The following GRIK3 variants were observed in gnomAD, a reference collection of about 807,000 sequenced individuals.
The protein encoded by GRIK3 is glutamate ionotropic receptor kainate type subunit 3.
GRIK3 carries 29 observed loss-of-function variants against 102.5 expected under a neutral mutation model. The observed-to-expected ratio is 0.28, with a 90% CI of 0.21 to 0.39. The LOEUF is 0.39. Among genes scored for constraint, GRIK3 ranks in the 10% least tolerant of loss-of-function variants. The pLI is 1.00. For missense variants in GRIK3, 908 were observed against 1,252.4 expected, an observed-to-expected ratio of 0.73 and a Z score of 4.15; for synonymous variants, 511 against 504.9, an observed-to-expected ratio of 1.01 and a Z score of -0.16.
intron 1 of GRIK3, among the ~76,000 whole-genome samples, chr1:37,007,647 C>T (rs149670495): frequency 2.0e-5 from 3 of 152,190 alleles, no homozygotes; most frequent in South Asian, 2.1e-4. Context: ...GCCTACTATG[C>T]GTCAGGCCTT....
At chr1:37,030,557 C>CG (rs1333320753) in intron 1 of GRIK3, among the ~76,000 whole-genome samples, 8 of 138,902 alleles carry the variant, frequency 5.8e-5, no homozygotes, top group African/African-American at 2.3e-4. Context: ...CTCCCCCCCC[C>CG]CAACACCTGC....
chr1:36,832,903 C>T (rs1253033508), intron 10 of GRIK3, among the ~76,000 whole-genome samples: 1 of 152,192 alleles, frequency 6.6e-6, no homozygotes, highest in Non-Finnish European at 1.5e-5. Context: ...AGGCAGTGGG[C>T]CCCCCTGCCC....
chr1:37,018,130 T>C (rs575568789), intron 1 of GRIK3, among the ~76,000 whole-genome samples: 1 of 152,322 alleles, frequency 6.6e-6, no homozygotes, highest in Admixed American at 6.5e-5. Flanking sequence ...GAAGGTGGAT[T>C]TGAAACCTGT....
At chr1:36,871,316 A>G (rs550475618) in intron 4 of GRIK3, among the ~76,000 whole-genome samples, 49 of 152,306 alleles carry the variant, frequency 3.2e-4, no homozygotes, top group Admixed American at 3.1e-3. Context: ...ATGGGGCCCA[A>G]CTGGAGGATG....
At chr1:36,963,349 C>T (rs1434366450) in intron 1 of GRIK3, among the ~76,000 whole-genome samples, 1 of 152,148 alleles carries the variant, frequency 6.6e-6, no homozygotes, top group Non-Finnish European at 1.5e-5. Flanking sequence ...GACCAGGACA[C>T]TCGAGACGCC....
At chr1:36,843,825 A>G (rs1347267061) in intron 9 of GRIK3, among the ~76,000 whole-genome samples, 1 of 152,206 alleles carries the variant, frequency 6.6e-6, no homozygotes, top group Non-Finnish European at 1.5e-5. Flanking sequence ...TGGCTGTGTG[A>G]CCATGGTTAG....
chr1:36,895,130 A>G lies in GRIK3; in HGVS notation c.116-4034T>C, dbSNP rs138018452. ...AAGACTGAGATGTAATCATAGCACT[A>G]TAGAATGCTTCCCCCTCTCCTCACC... On this transcript the variant is annotated intron_variant, in intron 1 of 15. Transcript: ENST00000373091. Among the ~76,000 whole-genome samples, 13 of 152,296 alleles carry G rather than the reference A, an allele frequency of 8.5e-5. No individual in the cohort carries two copies. The East Asian group carries it at 2.3e-3, about 27-fold the overall frequency.
rs774231260 is a variant in GRIK3 at position 36,819,263 on chromosome 1, A to T, written c.1873+473T>A. On this transcript the variant is annotated intron_variant, in intron 12 of 15. Transcript: ENST00000373091. This position sits in a 1 kb window ranked among gnomAD's most constrained non-coding sequence, Gnocchi z 4.1. ...GTGTATCCTGAAGCTCTCTTAGTCC[A>T]TTTCTGCCTTCCACTCCCAGGGCCA... Among the ~76,000 whole-genome samples the T allele has an allele frequency of 6.6e-6, 1 of 151,994 alleles. No homozygotes were observed. The highest frequency in any genetic ancestry group is 6.6e-5 in the Admixed American group (1 of 15,258).
chr1:36,937,655 G>A (rs938160473), intron 1 of GRIK3, among the ~76,000 whole-genome samples: 1 of 151,912 alleles, frequency 6.6e-6, no homozygotes, highest in Non-Finnish European at 1.5e-5. Flanking sequence ...TTGTGGAATT[G>A]ACAATCTAGT....
chr1:36,961,620 C>T (rs138423943), intron 1 of GRIK3, among the ~76,000 whole-genome samples: 148 of 152,322 alleles, frequency 9.7e-4, no homozygotes, highest in African/African-American at 2.5e-3. Flanking sequence ...ATCTGTGAGA[C>T]GGGAGGGCTC....
intron 1 of GRIK3, among the ~76,000 whole-genome samples, chr1:37,025,548 T>C (rs971432623): frequency 2.0e-5 from 3 of 152,246 alleles, no homozygotes; most frequent in African/African-American, 7.2e-5. Flanking sequence ...CCTGGAGCCC[T>C]GGAAAGTCCT....
At chr1:36,958,084 CTGCGCCCTGTGAGCCTG>C (rs1641945137) in intron 1 of GRIK3, among the ~76,000 whole-genome samples, 1 of 127,362 alleles carries the variant, frequency 7.9e-6, no homozygotes, top group Non-Finnish European at 1.6e-5. Context: ...CTCTTTGAAT[CTGCGCCCTGTGAGCCTG>C]TGTGCCCCGT....
intron 3 of GRIK3, among the ~76,000 whole-genome samples, chr1:36,875,150 A>G (rs531345175): frequency 6.6e-6 from 1 of 152,368 alleles, no homozygotes; most frequent in Non-Finnish European, 1.5e-5. Flanking sequence ...CAAGGACCAC[A>G]GAGGTTAAGT....
rs1356253614 is a variant in GRIK3 at position 36,799,965 on chromosome 1, A to T, written c.*1886T>A. On this transcript the variant is annotated 3_prime_UTR_variant, in exon 16 of 16. Coordinates refer to ENST00000373091, the MANE Select transcript of GRIK3 (RefSeq NM_000831.4). ...TGACAGCATGGCTTTTCCTAACATTACATGCATGGGGCTTTGGTGTATGTC... is the reference window on the plus strand; with the variant it reads ...TGACAGCATGGCTTTTCCTAACATTTCATGCATGGGGCTTTGGTGTATGTC... 1 of 152,050 alleles carries T rather than the reference A, an allele frequency of 6.6e-6. No individual in the cohort carries two copies. The highest frequency in any genetic ancestry group is 1.5e-5 in the Non-Finnish European group (1 of 67,996). 9.4% of individuals were successfully genotyped at this position (152,050 alleles called of 1,614,324 possible).
At chr1:36,969,424 T>C (rs1570834347) in intron 1 of GRIK3, among the ~76,000 whole-genome samples, 2 of 152,370 alleles carry the variant, frequency 1.3e-5, no homozygotes, top group East Asian at 3.9e-4. Flanking sequence ...AAGTTTGATC[T>C]TGACAAATTA....
intron 1 of GRIK3, among the ~76,000 whole-genome samples, chr1:36,968,267 CTTCT>C (rs149202126): frequency 0.016 from 1,874 of 118,758 alleles, 36 homozygotes; most frequent in African/African-American, 0.05. Flanking sequence ...GTGTGTGTGT[CTTCT>C]TTGTTTCCCT....
intron 15 of GRIK3, among the ~76,000 whole-genome samples, chr1:36,802,988 C>T (rs1481782546): frequency 6.6e-6 from 1 of 152,162 alleles, no homozygotes; most frequent in Non-Finnish European, 1.5e-5. Flanking sequence ...GTTAGGCATG[C>T]AGCAGTGAAG....
chr1:36,983,239 C>T (rs747483939), intron 1 of GRIK3, among the ~76,000 whole-genome samples: 1 of 152,114 alleles, frequency 6.6e-6, no homozygotes, highest in Non-Finnish European at 1.5e-5. Flanking sequence ...ACCCTTCCCA[C>T]AAACCGGGGA....
intron 7 of GRIK3, among the ~76,000 whole-genome samples, chr1:36,857,299 G>T (rs1423049584): frequency 1.3e-5 from 2 of 152,148 alleles, no homozygotes; most frequent in African/African-American, 4.8e-5. Context: ...TGAGGAAGGG[G>T]GTACAGGGGG....
Sources: allele counts gnomAD v4.1 joint callset (sites outside exome capture counted in the v4.1 genomes callset), GRCh38; gene constraint gnomAD v4.1.1; non-coding constraint Gnocchi (gnomAD v3.1); transcripts MANE v1.5; gene names NCBI Gene and HGNC (gene_info 2026-07-23, HGNC 2026-07-21).